The following AGMO variants were observed in gnomAD, a reference collection of about 807,000 sequenced individuals.
AGMO encodes glyceryl-ether monooxygenase.
In AGMO, 75 loss-of-function variants were observed where a neutral mutation model predicts 60.2. The observed-to-expected ratio is 1.25, with a 90% CI of 1.03 to 1.51. The LOEUF (loss-of-function observed/expected upper bound fraction) is 1.51. Among genes scored for constraint, AGMO ranks in the 40% most tolerant of loss-of-function variants. AGMO has a pLI of 0.00. For synonymous variants in AGMO, 261 were observed against 177.1 expected (o/e 1.47, Z -3.76); for missense variants, 763 against 525.5 (o/e 1.45, Z -4.42).
chr7:15,228,333 C>T (rs533444866), intron 12 of AGMO, among the ~76,000 whole-genome samples: 3 of 152,126 alleles, frequency 2.0e-5, no homozygotes, highest in Admixed American at 6.6e-5. Flanking sequence ...GGGCATAGAA[C>T]ATCTACAAGA....
intron 3 of AGMO, among the ~76,000 whole-genome samples, chr7:15,498,754 T>C (rs1783301276): frequency 6.6e-6 from 1 of 151,946 alleles, no homozygotes; most frequent in African/African-American, 2.4e-5. Flanking sequence ...AACATGTAAA[T>C]GGTATCTGGT....
intron 4 of AGMO, among the ~76,000 whole-genome samples, chr7:15,425,708 G>A (rs866331270): frequency 8.5e-5 from 13 of 152,208 alleles, no homozygotes; most frequent in Middle Eastern, 3.4e-3. Flanking sequence ...CCAAAGTACT[G>A]GGATTACAGG....
At chr7:15,307,447 C>G (rs374167570) in intron 12 of AGMO, among the ~76,000 whole-genome samples, 2 of 151,908 alleles carry the variant, frequency 1.3e-5, no homozygotes, top group East Asian at 3.8e-4. Context: ...ATCAATTAAA[C>G]TCTAAAAGAA....
Position 15,218,327 on chromosome 7 carries a change from A to ATATG in AGMO, c.1264-16969_1264-16968insCATA, listed in dbSNP as rs1554396498. ...ATACTATATTGACTATGGTGTGTGT[A>ATATG]TGTGTGTGTGTGTGTGTGTGTGTGT... On this transcript the variant is annotated intron_variant, in intron 12 of 12. Coordinates refer to ENST00000342526, the MANE Select transcript of AGMO (RefSeq NM_001004320.2). Among the ~76,000 whole-genome samples, 95 of 144,018 alleles carry ATATG rather than the reference A, an allele frequency of 6.6e-4. 1 individual carries two copies. The highest frequency in any genetic ancestry group is 1.1e-3 in the South Asian group (5 of 4,488). 94.5% of individuals were successfully genotyped at this position (144,018 alleles called of 152,430 possible).
At chr7:15,147,745 G>A in the AGMO span, among the ~76,000 whole-genome samples, 3 of 152,032 alleles carry the variant, frequency 2.0e-5, no homozygotes, top group Non-Finnish European at 4.4e-5. Flanking sequence ...TATCAAAGAG[G>A]GAAAAATATA....
rs188195526 is a variant in AGMO, at chr7:15,285,023, T to C, written c.1263+80491A>G. On this transcript the variant is annotated intron_variant, in intron 12 of 12. Coordinates refer to ENST00000342526, the MANE Select transcript of AGMO (RefSeq NM_001004320.2). ...TGCAGATAAGGCATTTGATAAAATC[T>C]AGCATCACTGTATGATAAAAATCCT... Among the ~76,000 whole-genome samples the C allele has an allele frequency of 2.5e-3, 377 of 151,820 alleles. 2 individuals are homozygous for C. The highest frequency in any genetic ancestry group is 8.5e-3 in the African/African-American group (354 of 41,480).
chr7:15,166,880 C>T, the AGMO span, among the ~76,000 whole-genome samples: 1 of 152,052 alleles, frequency 6.6e-6, no homozygotes, highest in Admixed American at 6.6e-5. Flanking sequence ...TTGGATGGAG[C>T]AAGATTAGGG....
intron 3 of AGMO, among the ~76,000 whole-genome samples, chr7:15,441,114 A>C (rs1318616042): frequency 6.6e-6 from 1 of 152,240 alleles, no homozygotes; most frequent in East Asian, 1.9e-4. Context: ...AAAACAAAGC[A>C]TTCTAAAGTA....
intron 12 of AGMO, chr7:15,358,335 T>G (rs753869171): frequency 1.3e-5 from 6 of 450,816 alleles, no homozygotes; most frequent in Non-Finnish European, 2.8e-5. Context: ...ATTGTTAACC[T>G]TGGGTTAATG....
chr7:15,300,703 C>T (rs549866356), intron 12 of AGMO, among the ~76,000 whole-genome samples: 1 of 152,152 alleles, frequency 6.6e-6, no homozygotes, highest in South Asian at 2.1e-4. Flanking sequence ...ATTTTTCTAC[C>T]GCTAACTGGC....
At chr7:15,434,220 T>G (rs1298174944) in intron 3 of AGMO, among the ~76,000 whole-genome samples, 1 of 151,972 alleles carries the variant, frequency 6.6e-6, no homozygotes, top group Non-Finnish European at 1.5e-5. Flanking sequence ...AAGAAGTGAG[T>G]GTCTTTTGAA....
intron 12 of AGMO, among the ~76,000 whole-genome samples, chr7:15,301,249 G>A (rs2128526175): frequency 6.6e-6 from 1 of 152,162 alleles, no homozygotes; most frequent in Non-Finnish European, 1.5e-5. Context: ...GACCAGGCTG[G>A]CCAACATGCT....
intron 3 of AGMO, among the ~76,000 whole-genome samples, chr7:15,462,055 G>A: frequency 1.5e-5 from 1 of 65,752 alleles, no homozygotes; most frequent in East Asian, 2.3e-4. Context: ...AATCCTACTT[G>A]GAAAAGGTAA....
chr7:15,174,983 G>A, the AGMO span, among the ~76,000 whole-genome samples: 1 of 148,768 alleles, frequency 6.7e-6, no homozygotes, highest in Non-Finnish European at 1.5e-5. Context: ...TAGAATGAAT[G>A]AGTTTTAAAG....
chr7:15,222,357 A>G (rs2128497243), intron 12 of AGMO, among the ~76,000 whole-genome samples: 1 of 152,202 alleles, frequency 6.6e-6, no homozygotes, highest in African/African-American at 2.4e-5. Flanking sequence ...AGCCTGATGA[A>G]CAGCAAACAT....
chr7:15,506,186 A>G (rs1783508057), intron 3 of AGMO, among the ~76,000 whole-genome samples: 1 of 152,094 alleles, frequency 6.6e-6, no homozygotes. Flanking sequence ...CTCCAAAGAT[A>G]CACTGAGTAA....
In AGMO at chr7:15,322,693, T is replaced by A. The variant is rs1468946195; in HGVS notation, c.1263+42821A>T. On this transcript the variant is annotated intron_variant, in intron 12 of 12. Transcript: ENST00000342526. ...ATAAATATATGTATATATAAATATATGAATATGTATAAATATATATAAATA... is the reference window on the plus strand; with the variant it reads ...ATAAATATATGTATATATAAATATAAGAATATGTATAAATATATATAAATA... Among the ~76,000 whole-genome samples, 4 of 53,824 alleles carry A rather than the reference T, an allele frequency of 7.4e-5. 2 individuals are homozygous for A. Among genetic ancestry groups the A allele is most frequent in the African/African-American group, 5.3e-4 (4 of 7,480 alleles). 35.3% of individuals were successfully genotyped at this position (53,824 alleles called of 152,430 possible).
intron 12 of AGMO, among the ~76,000 whole-genome samples, chr7:15,265,278 T>C (rs1051591095): frequency 6.6e-6 from 1 of 151,860 alleles, no homozygotes; most frequent in Admixed American, 6.6e-5. Context: ...ATGGGGACTA[T>C]TAGATGGGGG....
intron 12 of AGMO, among the ~76,000 whole-genome samples, chr7:15,325,393 A>C (rs1393346012): frequency 1.3e-5 from 2 of 152,148 alleles, no homozygotes; most frequent in African/African-American, 4.8e-5. Flanking sequence ...ATCTGCAATT[A>C]TTTAATCAGT....
Sources: gnomAD v4.1 joint callset for allele counts (sites outside exome capture counted in the v4.1 genomes callset) on GRCh38, gnomAD v4.1.1 for gene constraint, MANE v1.5 for transcripts, NCBI Gene and HGNC (gene_info 2026-07-23, HGNC 2026-07-21) for gene names.